The following FNBP4 variants were observed in gnomAD, a reference collection of about 807,000 sequenced individuals.
The protein encoded by FNBP4 is formin binding protein 4.
Under a neutral mutation model 119.3 loss-of-function variants are expected in FNBP4, and 34 were observed. That is an observed-to-expected ratio of 0.28 (90% confidence interval 0.22 to 0.38). The LOEUF (loss-of-function observed/expected upper bound fraction) is 0.38. FNBP4 is among the 10% of genes least tolerant of loss of function. The pLI is 1.00. For missense variants in FNBP4, 1,112 were observed against 1,228.9 expected, an observed-to-expected ratio of 0.90 and a Z score of 1.42; for synonymous variants, 462 against 430.6, an observed-to-expected ratio of 1.07 and a Z score of -0.90.
chr11:47,738,847 ATTTT>A (rs71045510), intron 8 of FNBP4, among the ~76,000 whole-genome samples: 13 of 110,972 alleles, frequency 1.2e-4, no homozygotes, highest in East Asian at 8.4e-4. Flanking sequence ...TGCCCAGGTA[ATTTT>A]TTTTTTTTTT....
chr11:47,760,699 G>T (rs535329800), intron 2 of FNBP4, among the ~76,000 whole-genome samples: 295 of 152,208 alleles, frequency 1.9e-3, no homozygotes, highest in African/African-American at 7.0e-3. Context: ...CTCCCAAAGT[G>T]CTGGGATCAC....
intron 2 of FNBP4, among the ~76,000 whole-genome samples, chr11:47,756,621 G>A (rs543181340): frequency 3.3e-5 from 5 of 152,100 alleles, no homozygotes; most frequent in African/African-American, 4.8e-5. Context: ...ATGTATACAT[G>A]TACTATGTTG....
intron 6 of FNBP4, among the ~76,000 whole-genome samples, chr11:47,750,485 C>T (rs945692585): frequency 2.7e-5 from 4 of 146,262 alleles, no homozygotes; most frequent in Admixed American, 2.1e-4. Flanking sequence ...GTCAGGAGAT[C>T]GAGACCATCC....
intron 2 of FNBP4, among the ~76,000 whole-genome samples, chr11:47,756,729 G>A (rs1173741811): frequency 1.3e-5 from 2 of 150,290 alleles, no homozygotes; most frequent in Admixed American, 6.7e-5. Context: ...GGTGTGTGAT[G>A]TTCCCCACCC....
chr11:47,733,966 A>G, intron 10 of FNBP4, 59 bp downstream of exon 10: 1 of 803,812 alleles, frequency 1.2e-6, no homozygotes, highest in South Asian at 2.0e-5. Flanking sequence ...GTTAACACAT[A>G]CAGCATTTCA....
At chr11:47,725,112 G>T (rs1272929385) in intron 12 of FNBP4, 2 of 186,062 alleles carry the variant, frequency 1.1e-5, no homozygotes, top group South Asian at 1.8e-4. Context: ...ATGAGTAGAA[G>T]AATATTACAT....
At chr11:47,758,206 T>A (rs949044568) in intron 2 of FNBP4, among the ~76,000 whole-genome samples, 11 of 152,134 alleles carry the variant, frequency 7.2e-5, no homozygotes, top group Non-Finnish European at 1.3e-4. Flanking sequence ...TCAATCAGGC[T>A]CCTGTGTAGC....
intron 2 of FNBP4, among the ~76,000 whole-genome samples, chr11:47,763,418 C>T (rs2097640196): frequency 5.3e-5 from 1 of 18,904 alleles, no homozygotes; most frequent in Non-Finnish European, 1.2e-4. Context: ...TGCACTTGAA[C>T]TCAAAAAAAA....
At chr11:47,755,658 G>C (rs975876592) in intron 2 of FNBP4, among the ~76,000 whole-genome samples, 6 of 150,586 alleles carry the variant, frequency 4.0e-5, no homozygotes, top group Non-Finnish European at 8.9e-5. Context: ...AAGGGAAAAG[G>C]AAAAAGAATA....
chr11:47,767,141 C>G lies in FNBP4; in HGVS notation c.148G>C (p.Ala50Pro), dbSNP rs1565175228. 1 of 1,544,230 alleles carries G rather than the reference C, an allele frequency of 6.5e-7. No individual in the cohort carries two copies. Among genetic ancestry groups the G allele is most frequent in the African/African-American group, 1.4e-5 (1 of 72,214 alleles). ...DSTAAVPSQPAPSAATTTTTA... is the reference protein window; with the variant it reads ...DSTAAVPSQPPPSAATTTTTA... ...GTGGTGGTCGTCGCCGCCGACGGGG[C>G]GGGCTGGCTGGGGACCGCCGCGGTT... Residue 50 changes from alanine to proline, a missense_variant, in exon 1 of 17, where the codon GCC becomes CCC. By Grantham distance (27) the Ala-to-Pro change is conservative (BLOSUM62 -1). Around this residue, in one of 2 missense-constraint regions of FNBP4, gnomAD observed 286 missense variants for 240.1 expected, o/e 1.19. Transcript: ENST00000263773.
intron 16 of FNBP4, among the ~76,000 whole-genome samples, chr11:47,719,533 T>C (rs2097553083): frequency 6.6e-6 from 1 of 151,912 alleles, no homozygotes; most frequent in Non-Finnish European, 1.5e-5. Context: ...AAGGGTCTAA[T>C]TCTATAAATT....
At chr11:47,737,062 G>A (rs565320434) in intron 8 of FNBP4, among the ~76,000 whole-genome samples, 4 of 152,178 alleles carry the variant, frequency 2.6e-5, no homozygotes, top group Admixed American at 6.5e-5. Context: ...AATTAGCCAC[G>A]CATGGTGGCA....
chr11:47,728,626 A>G (rs1394448629), intron 12 of FNBP4, among the ~76,000 whole-genome samples: 2 of 152,022 alleles, frequency 1.3e-5, no homozygotes, highest in Non-Finnish European at 2.9e-5. Flanking sequence ...GCTTCAACCT[A>G]CCAGGCTCAA....
Position 47,753,027 on chromosome 11 carries a change from G to A in FNBP4, c.526C>T (p.Pro176Ser), listed in dbSNP as rs199602858. 1.2e-6 allele frequency: 2 copies of A among 1,614,124 alleles called. No homozygotes were observed. Among genetic ancestry groups the A allele is most frequent in the East Asian group, 4.5e-5 (2 of 44,882 alleles). Reference sequence around the variant, plus strand: ...GATGTTGCTGCTTCCTTTGGCTCTGGTCGAGGTGGAGTTGGAGGTGGAGCA... The same window carrying A: ...GATGTTGCTGCTTCCTTTGGCTCTGATCGAGGTGGAGTTGGAGGTGGAGCA... ...ASAPPPTPPRPEPKEAATSTL... is the reference protein window; with the variant it reads ...ASAPPPTPPRSEPKEAATSTL... The change falls in exon 4 of 17, where the codon CCA (proline) becomes TCA (serine). Residue 176 changes from proline to serine, a missense_variant. By Grantham distance (74) the Pro-to-Ser change is moderately conservative (BLOSUM62 -1). Coordinates refer to ENST00000263773, the MANE Select transcript of FNBP4 (RefSeq NM_015308.5).
At chr11:47,725,838 T>TA in intron 12 of FNBP4, 1 of 955,866 alleles carries the variant, frequency 1.0e-6, no homozygotes, top group Non-Finnish European at 1.2e-6. Context: ...ATTTTCTCCC[T>TA]AAAATCATAG....
At position 47,732,041 on chromosome 11, in the gene FNBP4, TAAA is replaced by T; in HGVS notation, c.1821-483_1821-481del. On this transcript the variant is annotated intron_variant, in intron 11 of 16. Coordinates refer to ENST00000263773, the MANE Select transcript of FNBP4 (RefSeq NM_015308.5). This position sits in a 1 kb window ranked among gnomAD's most constrained non-coding sequence, Gnocchi z 4.2. ...GGGAGAGGATCTGGGAGCTGAAAAA[TAAA>T]AGAGCAAAGATTTCAAATAACGAAA... 1 of 991,102 alleles carries T rather than the reference TAAA, an allele frequency of 1.0e-6. No homozygotes were observed. Among genetic ancestry groups the T allele is most frequent in the East Asian group, 1.1e-4 (1 of 8,928 alleles). The allele number at this position is 991,102 out of a possible 1,614,324, so 61.4% of individuals were successfully genotyped here.
At chr11:47,745,476 T>C (rs1483870114) in intron 7 of FNBP4, among the ~76,000 whole-genome samples, 1 of 151,940 alleles carries the variant, frequency 6.6e-6, no homozygotes, top group Non-Finnish European at 1.5e-5. Context: ...CCCTCAGGCT[T>C]ATTAGGGTGG....
chr11:47,765,349 C>A lies in FNBP4; in HGVS notation c.234G>T (p.Ala78=). Residue 78 remains alanine, a synonymous_variant, in exon 2 of 17, where the codon GCG becomes GCT. Coordinates refer to ENST00000263773, the MANE Select transcript of FNBP4 (RefSeq NM_015308.5). ...GAACAACTCTAGGAACCTCCTGCAC[C>A]GCTTCCTGTTCATCTGGATTAAAAA... ...DDSPSEDEQE[A]VQEVPRVVQN... The A allele has an allele frequency of 6.3e-7, 1 of 1,583,150 alleles. No individual in the cohort carries two copies. The highest frequency in any genetic ancestry group is 8.6e-7 in the Non-Finnish European group (1 of 1,165,150).
At position 47,767,213 on chromosome 11, in the gene FNBP4, T is replaced by A; in HGVS notation, c.76A>T (p.Thr26Ser). The A allele has an allele frequency of 6.4e-7, 1 of 1,567,002 alleles. No individual in the cohort carries two copies. Among genetic ancestry groups the A allele is most frequent in the Non-Finnish European group, 8.6e-7 (1 of 1,163,196 alleles). Reference protein sequence around the residue: ...QLSPPGPRGSTPGRDPEPEPD... With the variant: ...QLSPPGPRGSSPGRDPEPEPD... ...TCCGGCTCCGGGTCCCGGCCCGGCG[T>A]GCTGCCCCGAGGACCCGGCGGAGAG... is the stretch of plus-strand genomic sequence containing the variant. Residue 26 changes from threonine to serine, a missense_variant, in exon 1 of 17, where the codon ACG becomes TCG. Coordinates refer to ENST00000263773, the MANE Select transcript of FNBP4 (RefSeq NM_015308.5).
Sources: gnomAD v4.1 joint callset for allele counts (sites outside exome capture counted in the v4.1 genomes callset) on GRCh38, gnomAD v4.1.1 for gene constraint, gnomAD v4.1.1 regional missense constraint, Gnocchi (gnomAD v3.1) non-coding constraint, MANE v1.5 for transcripts, NCBI Gene and HGNC (gene_info 2026-07-23, HGNC 2026-07-21) for gene names.